Variants in SNED1 observed in about 807,000 individuals in gnomAD.
SNED1 encodes sushi, nidogen and EGF like domains 1.
A neutral mutation model predicts 166.7 loss-of-function variants in SNED1; 81 were observed. The ratio of observed to expected loss-of-function variants is 0.49; its 90% confidence interval spans 0.41 to 0.58. The LOEUF is 0.58. Ranked by LOEUF, SNED1 falls within the 20% of genes least tolerant of loss-of-function variation. The pLI is 0.00. For synonymous variants in SNED1, 762 were observed against 822.0 expected, an observed-to-expected ratio of 0.93 and a Z score of 1.25; for missense variants, 1,604 against 2,000.2, an observed-to-expected ratio of 0.80 and a Z score of 3.78.
intron 27 of SNED1, among the ~76,000 whole-genome samples, chr2:241,079,977 AAG>A (rs1160979045): frequency 4.6e-5 from 7 of 152,162 alleles, no homozygotes; most frequent in African/African-American, 1.2e-4. Flanking sequence ...TATAAAATGA[AAG>A]AAGTTAAAAA....
chr2:241,017,172 T>G (rs571433586), intron 1 of SNED1, among the ~76,000 whole-genome samples: 1 of 152,258 alleles, frequency 6.6e-6, no homozygotes, highest in Admixed American at 6.5e-5. Context: ...TTCTAGAACA[T>G]TTTTCATTTT....
chr2:241,004,246 A>G (rs1559208209), intron 1 of SNED1, among the ~76,000 whole-genome samples: 2 of 152,234 alleles, frequency 1.3e-5, no homozygotes, highest in Non-Finnish European at 2.9e-5. Flanking sequence ...ATCTTCAGCA[A>G]AACCCTTACC....
At chr2:241,048,202 A>G in intron 8 of SNED1, 113 bp from the exon 9 acceptor site, 2 of 1,273,484 alleles carry the variant, frequency 1.6e-6, no homozygotes, top group East Asian at 5.2e-5. Flanking sequence ...CTTAAATTCC[A>G]CTTGGGAATG....
intron 24 of SNED1, 97 bp from the exon 25 acceptor site, chr2:241,071,479 C>T (rs1461523467): frequency 1.4e-6 from 2 of 1,409,774 alleles, no homozygotes; most frequent in Non-Finnish European, 1.9e-6. Flanking sequence ...CTTCTCCAAG[C>T]ACGGCTGAGT....
intron 1 of SNED1, among the ~76,000 whole-genome samples, chr2:241,028,309 T>A (rs1453568869): frequency 6.6e-6 from 1 of 152,234 alleles, no homozygotes; most frequent in African/African-American, 2.4e-5. Flanking sequence ...CCGATTTGTC[T>A]GTTTTTTCTT....
At chr2:241,076,399 A>G (rs1429443951) in intron 27 of SNED1, among the ~76,000 whole-genome samples, 1 of 152,230 alleles carries the variant, frequency 6.6e-6, no homozygotes, top group African/African-American at 2.4e-5. Flanking sequence ...ATACTAGTAT[A>G]TACTTTAAAA....
At position 241,030,313 on chromosome 2, in the gene SNED1, G is replaced by A; in HGVS notation, c.243G>A (p.Leu81=). The A allele has an allele frequency of 1.3e-6, 2 of 1,599,798 alleles. No homozygotes were observed. The highest frequency in any genetic ancestry group is 1.7e-6 in the Non-Finnish European group (2 of 1,171,928). ...ACAACAACGGGATCATCTCCTTCCT[G>A]AAGGAGGTTTCTCAGTTCACCCCAG... ...YVNNNGIISF[L]KEVSQFTPVA... The change falls in exon 2 of 32, where the codon CTG becomes CTA. Residue 81 remains leucine (L), a synonymous_variant. Coordinates refer to ENST00000310397, the MANE Select transcript of SNED1 (RefSeq NM_001080437.3).
chr2:241,018,513 A>C lies in SNED1; in HGVS notation c.214-11771A>C, dbSNP rs1345400042. 6.6e-6 allele frequency among the ~76,000 whole-genome samples: 1 copy of C among 152,224 alleles called. No individual in the cohort carries two copies. Among genetic ancestry groups the C allele is most frequent in the Admixed American group, 6.5e-5 (1 of 15,284 alleles). Reference sequence around the variant, plus strand: ...CCGGGGTCTAAGGTGGTCCCTGGTCAGGAGCCGGGACTGGCGTTCTCTCTC... The same window carrying C: ...CCGGGGTCTAAGGTGGTCCCTGGTCCGGAGCCGGGACTGGCGTTCTCTCTC... On this transcript the variant is annotated intron_variant, in intron 1 of 31. Transcript: ENST00000310397. The surrounding 1 kb of genome is among the most constrained non-coding windows in gnomAD (Gnocchi z 5.4).
At chr2:241,067,629 C>A in intron 21 of SNED1, 135 bp from the exon 22 acceptor site, 1 of 654,172 alleles carries the variant, frequency 1.5e-6, no homozygotes, top group Non-Finnish European at 2.6e-6. Flanking sequence ...GTTCCCTGAG[C>A]AGTTGATGGG....
At chr2:241,029,309 C>G (rs1251506122) in intron 1 of SNED1, among the ~76,000 whole-genome samples, 1 of 152,214 alleles carries the variant, frequency 6.6e-6, no homozygotes, top group Non-Finnish European at 1.5e-5. Context: ...CTGGGAAGTC[C>G]AAGATCAAGG....
intron 1 of SNED1, among the ~76,000 whole-genome samples, chr2:241,023,633 G>A (rs1176989269): frequency 6.6e-6 from 1 of 152,126 alleles, no homozygotes. Flanking sequence ...ATTGTGAGTT[G>A]AACTATTTCC....
rs960526210 is a variant in SNED1 at position 241,051,110 on chromosome 2, C to T, written c.1736-634C>T. Among the ~76,000 whole-genome samples the T allele has an allele frequency of 1.3e-5, 2 of 152,220 alleles. No individual in the cohort carries two copies. Among genetic ancestry groups the T allele is most frequent in the African/African-American group, 2.4e-5 (1 of 41,464 alleles). ...AGCGAGCACAGTGGGGCAGGCCCCT[C>T]CCGCCACTCAGAACACCCAGGGGTC... On this transcript the variant is annotated intron_variant, in intron 12 of 31. Transcript: ENST00000310397. The surrounding 1 kb of genome is among the most constrained non-coding windows in gnomAD (Gnocchi z 4.7).
intron 16 of SNED1, among the ~76,000 whole-genome samples, chr2:241,055,482 A>C (rs1279992189): frequency 6.6e-6 from 1 of 152,194 alleles, no homozygotes; most frequent in East Asian, 1.9e-4. Context: ...TACTGAAGAG[A>C]TCCATTTGGT....
rs780539394 is a variant in SNED1, at chr2:241,037,001, G to A, written c.931+86G>A. ...GTAGGCTCCGCCAGTGGCCCTGGGCGCCCAGGGTCCCAGGTCAGGAGTCTC... is the reference window on the plus strand; with the variant it reads ...GTAGGCTCCGCCAGTGGCCCTGGGCACCCAGGGTCCCAGGTCAGGAGTCTC... On this transcript the variant is annotated intron_variant, in intron 5 of 31. Transcript: ENST00000310397. 5.8e-4 allele frequency: 855 copies of A among 1,485,022 alleles called. 2 individuals carry two copies. The highest frequency in any genetic ancestry group is 6.9e-4 in the Admixed American group (33 of 47,974). The allele number at this position is 1,485,022 out of a possible 1,614,324, so 92.0% of individuals were successfully genotyped here. A position where few individuals can be genotyped will look rare whatever the true frequency, so the allele number is the denominator to read the frequency against.
chr2:241,076,042 C>A lies in SNED1; in HGVS notation c.3916+2678C>A, dbSNP rs551375418. Among the ~76,000 whole-genome samples, 6 of 152,322 alleles carry A rather than the reference C, an allele frequency of 3.9e-5. No homozygotes were observed. In the South Asian group the frequency reaches 1.0e-3, roughly 26 times the overall value. On this transcript the variant is annotated intron_variant, in intron 27 of 31. Coordinates refer to ENST00000310397, the MANE Select transcript of SNED1 (RefSeq NM_001080437.3). ...GTGCCAATACTGCCCTGTGTTCACT[C>A]TAACTTTGTAAGTCCTGGAACTGAT...
rs1427062852 is a variant in SNED1, at chr2:241,068,565, T to G, written c.3195-346T>G. ...CGTTGTCCTGTGGTTTCCTGAGAAT[T>G]TACATCAACTCACCTGTGCTGAGGG... On this transcript the variant is annotated intron_variant, in intron 22 of 31. Transcript: ENST00000310397. The surrounding 1 kb of genome is among the most constrained non-coding windows in gnomAD (Gnocchi z 5.3). 6.6e-6 allele frequency among the ~76,000 whole-genome samples: 1 copy of G among 151,934 alleles called. No homozygotes were observed. Among genetic ancestry groups the G allele is most frequent in the East Asian group, 1.9e-4 (1 of 5,164 alleles).
Position 240,999,590 on chromosome 2 carries a change from C to G in SNED1, c.213+540C>G, listed in dbSNP as rs2060013608. On this transcript the variant is annotated intron_variant, in intron 1 of 31. Transcript: ENST00000310397. The surrounding 1 kb of genome is among the most constrained non-coding windows in gnomAD (Gnocchi z 5.8). ...TTCTTCGCTGACCCTCCTAGGCGGG[C>G]TAGCAACAGGCTTGCCCCTCCCTGC... Among the ~76,000 whole-genome samples the G allele has an allele frequency of 6.6e-6, 1 of 152,220 alleles. No individual in the cohort carries two copies. The highest frequency in any genetic ancestry group is 2.4e-5 in the African/African-American group (1 of 41,454).
chr2:241,033,989 T>G (rs1011222173), intron 3 of SNED1, 114 bp downstream of exon 3: 7 of 1,278,900 alleles, frequency 5.5e-6, no homozygotes, highest in Non-Finnish European at 7.4e-6. Flanking sequence ...CCCAGTACCG[T>G]GCAGAGGCCA....
At position 241,048,728 on chromosome 2, in the gene SNED1, A is replaced by T. The variant is rs1324087078; in HGVS notation, c.1466A>T (p.Gln489Leu). ...RCLGANTTLC[Q>L]CPLGFFGLLC... ...CTGGGCGCCAACACCACCCTCTGCC[A>T]GTGCCCCCTGGGATTCTTTGGGCTT... The change falls in exon 10 of 32, where the codon CAG (glutamine) becomes CTG (leucine). Residue 489 changes from glutamine to leucine, a missense_variant. This residue lies in a region of SNED1 where 1,237 missense variants were observed against 1,620.8 expected (regional missense o/e 0.76). Transcript: ENST00000310397. 1.9e-6 allele frequency: 3 copies of T among 1,612,864 alleles called. No individual in the cohort carries two copies. The Admixed American group carries it at 5.0e-5, about 27-fold the overall frequency.
Sources: allele counts gnomAD v4.1 joint callset (sites outside exome capture counted in the v4.1 genomes callset), GRCh38; gene constraint gnomAD v4.1.1; regional missense constraint gnomAD v4.1.1; non-coding constraint Gnocchi (gnomAD v3.1); transcripts MANE v1.5; gene names NCBI Gene and HGNC (gene_info 2026-07-23, HGNC 2026-07-21).